RBMS3: variants seen among roughly 807,000 people sequenced by gnomAD.
The protein encoded by RBMS3 is RNA-binding motif, single-stranded-interacting protein 3.
RBMS3 carries 27 observed loss-of-function variants against 66.8 expected under a neutral mutation model. The observed-to-expected ratio is 0.40, with a 90% CI of 0.30 to 0.56. RBMS3 has a LOEUF of 0.56. RBMS3 is among the 20% of genes least tolerant of loss of function. The pLI, the probability that RBMS3 is intolerant of heterozygous loss-of-function variation, is 0.40. For missense variants in RBMS3, 513 were observed against 549.5 expected (o/e 0.93, Z 0.66); for synonymous variants, 188 against 183.0 (o/e 1.03, Z -0.22).
intron 4 of RBMS3, among the ~76,000 whole-genome samples, chr3:29,595,690 G>A (rs1020313698): frequency 1.3e-5 from 2 of 152,270 alleles, no homozygotes; most frequent in Admixed American, 6.5e-5. Flanking sequence ...CACTGAAAAA[G>A]ACAAAGAAGT....
intron 6 of RBMS3, among the ~76,000 whole-genome samples, chr3:29,775,366 T>A (rs2056391156): frequency 6.6e-6 from 1 of 151,950 alleles, no homozygotes. Flanking sequence ...TTCTGAACAT[T>A]TGCATTCTCA....
rs1697915120 is a variant in RBMS3, at chr3:29,980,526, A to G, written c.1099-7617A>G. 4.6e-5 allele frequency among the ~76,000 whole-genome samples: 7 copies of G among 152,108 alleles called. No homozygotes were observed. In the South Asian group the frequency reaches 1.5e-3, roughly 32 times the overall value. Reference sequence around the variant, plus strand: ...TTTGCCTATGCCTATGTCCTGGATGATACTGCCTAGGTTTTCTTCTAAGGT... The same window carrying G: ...TTTGCCTATGCCTATGTCCTGGATGGTACTGCCTAGGTTTTCTTCTAAGGT... On this transcript the variant is annotated intron_variant, in intron 12 of 14. Coordinates refer to ENST00000383767, the MANE Select transcript of RBMS3 (RefSeq NM_001003793.3).
chr3:29,734,510 C>T (rs1303078885), intron 4 of RBMS3, among the ~76,000 whole-genome samples: 1 of 151,954 alleles, frequency 6.6e-6, no homozygotes, highest in Non-Finnish European at 1.5e-5. Flanking sequence ...CACTTTGCAC[C>T]ACATACATTT....
chr3:29,723,576 C>T (rs1043722575), intron 4 of RBMS3, among the ~76,000 whole-genome samples: 1 of 94,666 alleles, frequency 1.1e-5, no homozygotes, highest in Admixed American at 1.2e-4. Context: ...TTGCATTTTC[C>T]TCCTCTCCTC....
chr3:29,368,957 T>A (rs899870662), intron 1 of RBMS3, among the ~76,000 whole-genome samples: 2 of 152,150 alleles, frequency 1.3e-5, no homozygotes, highest in African/African-American at 4.8e-5. Context: ...GTGGTACATA[T>A]ACATCATGGA....
chr3:29,513,496 T>C (rs556527183), intron 3 of RBMS3, among the ~76,000 whole-genome samples: 3 of 152,278 alleles, frequency 2.0e-5, no homozygotes, highest in East Asian at 3.9e-4. Context: ...ATGGTCACAA[T>C]AGTCACTGTA....
chr3:29,768,525 T>G (rs994698862), intron 6 of RBMS3, among the ~76,000 whole-genome samples: 1 of 151,980 alleles, frequency 6.6e-6, no homozygotes, highest in African/African-American at 2.4e-5. Context: ...TCTACCCACC[T>G]GTGATTTCGG....
intron 4 of RBMS3, among the ~76,000 whole-genome samples, chr3:29,661,530 G>A (rs917102475): frequency 6.6e-6 from 1 of 151,972 alleles, no homozygotes; most frequent in Non-Finnish European, 1.5e-5. Context: ...TTTAATTTAG[G>A]TCACTACTGT....
chr3:29,694,768 T>TA (rs1175474126), intron 4 of RBMS3, among the ~76,000 whole-genome samples: 7 of 151,796 alleles, frequency 4.6e-5, no homozygotes, highest in South Asian at 2.1e-4. Flanking sequence ...CATAAAAAAA[T>TA]AAAAAAAATT....
At chr3:29,349,490 A>G (rs550925909) in intron 1 of RBMS3, among the ~76,000 whole-genome samples, 9 of 152,304 alleles carry the variant, frequency 5.9e-5, no homozygotes, top group Non-Finnish European at 1.0e-4. Flanking sequence ...ACTCAGAGCA[A>G]CATATTAAGC....
intron 3 of RBMS3, among the ~76,000 whole-genome samples, chr3:29,580,178 C>G (rs549030553): frequency 6.6e-6 from 1 of 152,158 alleles, no homozygotes; most frequent in Non-Finnish European, 1.5e-5. Flanking sequence ...TTCCTTTTCC[C>G]CAGTCCTTAT....
rs148838241 is a variant in RBMS3 at position 29,731,444 on chromosome 3, T to C, written c.400-8276T>C. 1.2e-3 allele frequency among the ~76,000 whole-genome samples: 178 copies of C among 152,318 alleles called. 1 individual carries two copies. The highest frequency in any genetic ancestry group is 4.0e-3 in the African/African-American group (165 of 41,570). On this transcript the variant is annotated intron_variant, in intron 4 of 14. Transcript: ENST00000383767. The stretch of plus-strand genomic sequence containing the variant: ...AGAGAAATCACCTTTTCTCTTTTAG[T>C]AGAGACAGAAGACAATTGAAAATAT...
intron 1 of RBMS3, among the ~76,000 whole-genome samples, chr3:29,402,736 A>C (rs1024856691): frequency 6.6e-6 from 1 of 151,986 alleles, no homozygotes; most frequent in Non-Finnish European, 1.5e-5. Context: ...ACTAGTATTA[A>C]ATTTTATGTT....
intron 8 of RBMS3, among the ~76,000 whole-genome samples, chr3:29,884,455 TCTCTCTCTCTCTCTCC>T (rs1318778257): frequency 2.2e-4 from 30 of 135,826 alleles, no homozygotes; most frequent in South Asian, 1.3e-3. Flanking sequence ...TCTCTCTCTC[TCTCTCTCTCTCTCTCC>T]CCCCCCGCTC....
intron 8 of RBMS3, among the ~76,000 whole-genome samples, chr3:29,893,158 A>G (rs1203212325): frequency 6.6e-6 from 1 of 151,506 alleles, no homozygotes; most frequent in Non-Finnish European, 1.5e-5. Flanking sequence ...TGTTCTTCCC[A>G]GAACATTTTC....
chr3:29,297,414 G>C (rs1333932723), intron 1 of RBMS3, among the ~76,000 whole-genome samples: 1 of 151,790 alleles, frequency 6.6e-6, no homozygotes, highest in Non-Finnish European at 1.5e-5. Context: ...GACTTGATAC[G>C]TGAATATAAT....
intron 3 of RBMS3, among the ~76,000 whole-genome samples, chr3:29,509,166 T>C (rs1402183318): frequency 6.6e-6 from 1 of 151,820 alleles, no homozygotes. Flanking sequence ...TTCTACTCCA[T>C]GTGAATAGCA....
At chr3:29,696,501 T>C (rs773123167) in intron 4 of RBMS3, among the ~76,000 whole-genome samples, 13 of 152,230 alleles carry the variant, frequency 8.5e-5, no homozygotes, top group Admixed American at 2.0e-4. Context: ...TGAGTAGCAA[T>C]GTCACACACT....
intron 1 of RBMS3, among the ~76,000 whole-genome samples, chr3:29,384,875 CTGGTTAAA>C (rs2038940229): frequency 6.6e-6 from 1 of 152,130 alleles, no homozygotes; most frequent in African/African-American, 2.4e-5. Flanking sequence ...TTACCTTGTT[CTGGTTAAA>C]TGAAAAAGTA....
Sources: allele counts gnomAD v4.1 joint callset (sites outside exome capture counted in the v4.1 genomes callset), GRCh38; gene constraint gnomAD v4.1.1; transcripts MANE v1.5; gene names NCBI Gene and HGNC (gene_info 2026-07-23, HGNC 2026-07-21).